The following MCMBP variants were observed in gnomAD, a reference collection of about 807,000 sequenced individuals.
The protein encoded by MCMBP is mini-chromosome maintenance complex-binding protein.
In MCMBP, 31 loss-of-function variants were observed where a neutral mutation model predicts 81.3. That is an observed-to-expected ratio of 0.38 (90% confidence interval 0.29 to 0.51). The LOEUF (loss-of-function observed/expected upper bound fraction) is 0.51. Ranked by LOEUF, MCMBP falls within the 20% of genes least tolerant of loss-of-function variation. The pLI is 0.87. For missense variants in MCMBP, 645 were observed against 772.1 expected (o/e 0.84, Z 1.95); for synonymous variants, 267 against 275.9 (o/e 0.97, Z 0.32).
Position 119,843,223 on chromosome 10 carries a change from T to C in MCMBP, c.1000+31A>G, listed in dbSNP as rs1165858118. The C allele has an allele frequency of 1.9e-6, 3 of 1,612,122 alleles. No homozygotes were observed. In the African/African-American group the frequency reaches 4.0e-5, roughly 22 times the overall value. On this transcript the variant is annotated intron_variant, in intron 9 of 15. Coordinates refer to ENST00000369077, the MANE Select transcript of MCMBP (RefSeq NM_001256378.2). ...TGGACACACTGAGGCTAACAGTCGA[T>C]AGTTGACTAGGCTGTAACACTTACA...
intron 8 of MCMBP, 40 bp from the exon 9 acceptor site, chr10:119,843,466 A>G: frequency 1.3e-6 from 2 of 1,579,016 alleles, no homozygotes; most frequent in Non-Finnish European, 1.7e-6. Flanking sequence ...GAGAGACATC[A>G]ATTGCACAGA....
intron 1 of MCMBP, among the ~76,000 whole-genome samples, chr10:119,871,670 TAA>T (rs151143376): frequency 4.7e-4 from 72 of 152,260 alleles, no homozygotes; most frequent in Non-Finnish European, 9.9e-4. Context: ...TCTACAACTC[TAA>T]GTTAACTCCA....
At chr10:119,839,682 C>G (rs1005358938) in intron 11 of MCMBP, among the ~76,000 whole-genome samples, 1 of 152,044 alleles carries the variant, frequency 6.6e-6, no homozygotes, top group Admixed American at 6.6e-5. Flanking sequence ...TTTCAATGTG[C>G]GAGACTAATG....
rs375109129 is a variant in MCMBP, at chr10:119,835,717, G to C, written c.1543-13C>G. The C allele has an allele frequency of 3.1e-6, 5 of 1,613,522 alleles. No individual in the cohort carries two copies. The South Asian group carries it at 4.4e-5, about 14-fold the overall frequency. ...TCTGGCAGTCTGCCTGAAAAGAGAA[G>C]GAGTACACTGTATTTTCTGAGTTCC... On this transcript the variant is annotated splice_polypyrimidine_tract_variant and intron_variant, in intron 13 of 15. Transcript: ENST00000369077.
rs764263028 is a variant in MCMBP, at chr10:119,831,540, C to T, written c.1857G>A (p.Lys619=). 6.2e-7 allele frequency: 1 copy of T among 1,614,074 alleles called. No homozygotes were observed. The change falls in exon 16 of 16, where the codon AAG becomes AAA. Residue 619 remains lysine, a synonymous_variant. Transcript: ENST00000369077. ...TLSRERWLRA[K]QLESLRRTRL... is the part of the protein sequence containing the mutation. ...TCGTTCTTCTTAAAGACTCTAGCTGCTTTGCTCTCAGCCATCGTTCTCTTG... is the reference window on the plus strand; with the variant it reads ...TCGTTCTTCTTAAAGACTCTAGCTGTTTTGCTCTCAGCCATCGTTCTCTTG...
chr10:119,849,441 G>A lies in MCMBP; in HGVS notation c.710C>T (p.Pro237Leu), dbSNP rs1397524460. Residue 237 changes from proline (P) to leucine (L), a missense_variant, in exon 7 of 16, where the codon CCT becomes CTT. Transcript: ENST00000369077. ...TTTTATTACCTTCACAAGGCATGCAGGGCCCTTCTCTCCTGGCAATGGAAA... is the reference window on the plus strand; with the variant it reads ...TTTTATTACCTTCACAAGGCATGCAAGGCCCTTCTCTCCTGGCAATGGAAA... The part of the protein sequence containing the change: ...LNFPLPGEKG[P>L]ACLVKVYEDW... The A allele has an allele frequency of 1.2e-6, 2 of 1,610,078 alleles. No individual in the cohort carries two copies. Among genetic ancestry groups the A allele is most frequent in the Non-Finnish European group, 1.7e-6 (2 of 1,178,772 alleles).
Position 119,843,436 on chromosome 10 carries a change from G to T in MCMBP, c.828-10C>A. 6.2e-7 allele frequency: 1 copy of T among 1,606,514 alleles called. No individual in the cohort carries two copies. Among genetic ancestry groups the T allele is most frequent in the South Asian group, 1.1e-5 (1 of 90,582 alleles). On this transcript the variant is annotated splice_polypyrimidine_tract_variant and intron_variant, in intron 8 of 15. Transcript: ENST00000369077. ...CAGTGCAGAGGCATCCCTGTGGAGA[G>T]GTGATAAAGTTTCAATTTAGAGAGA...
intron 1 of MCMBP, among the ~76,000 whole-genome samples, chr10:119,867,080 C>T (rs558949235): frequency 4.0e-5 from 6 of 151,748 alleles, no homozygotes; most frequent in Non-Finnish European, 8.8e-5. Flanking sequence ...ATCACGAGGG[C>T]AGAGGAGGTC....
rs34034506 is a variant in MCMBP, at chr10:119,859,275, TACACACACACACAC to T, written c.145-108_145-95del. ...AACTTTATATCCAGACTCAAACTGT[TACACACACACACAC>T]ACACACACACACACACCCATGCCAC... On this transcript the variant is annotated intron_variant, in intron 2 of 15. Coordinates refer to ENST00000369077, the MANE Select transcript of MCMBP (RefSeq NM_001256378.2). 2.2e-4 allele frequency: 137 copies of T among 615,920 alleles called. 1 individual carries two copies. Among genetic ancestry groups the T allele is most frequent in the East Asian group, 9.6e-4 (32 of 33,460 alleles). The allele number at this position is 615,920 out of a possible 1,614,324, so 38.2% of individuals were successfully genotyped here. A position where few individuals can be genotyped will look rare whatever the true frequency, so the allele number is the denominator to read the frequency against.
rs556867093 is a variant in MCMBP, at chr10:119,865,847, G to A, written c.59-5963C>T. ...TCCCAGCACTTTGGGAGGCCGAGGC[G>A]GGAGGGTCACTTGAGGCCAGGAGTT... On this transcript the variant is annotated intron_variant, in intron 1 of 15. Coordinates refer to ENST00000369077, the MANE Select transcript of MCMBP (RefSeq NM_001256378.2). Among the ~76,000 whole-genome samples the A allele has an allele frequency of 1.4e-3, 211 of 152,100 alleles. 1 individual carries two copies. The highest frequency in any genetic ancestry group is 5.0e-4 in the Non-Finnish European group (34 of 67,978).
intron 9 of MCMBP, 111 bp downstream of exon 9, chr10:119,843,143 G>A: frequency 8.5e-7 from 1 of 1,178,346 alleles, no homozygotes; most frequent in Non-Finnish European, 1.3e-6. Flanking sequence ...AACACTTATT[G>A]TGAGGAATGA....
intron 10 of MCMBP, 122 bp from the exon 11 acceptor site, chr10:119,841,082 A>G (rs1024380427): frequency 8.5e-5 from 58 of 682,150 alleles, no homozygotes; most frequent in African/African-American, 6.6e-4. Context: ...TATTCTGACC[A>G]GTTATTTTAT....
chr10:119,863,937 AAC>A (rs1853356454), intron 1 of MCMBP, among the ~76,000 whole-genome samples: 1 of 152,040 alleles, frequency 6.6e-6, no homozygotes, highest in South Asian at 2.1e-4. Context: ...TAATCCCCAG[AAC>A]TTGTAAAGAT....
intron 1 of MCMBP, among the ~76,000 whole-genome samples, chr10:119,870,710 CACAA>C (rs1380886031): frequency 6.6e-6 from 1 of 152,178 alleles, no homozygotes; most frequent in Non-Finnish European, 1.5e-5. Flanking sequence ...TAAGTTATCA[CACAA>C]ACATACTTGT....
In MCMBP at chr10:119,829,492, C is replaced by G. The variant is rs940145883; in HGVS notation, c.*1982G>C. The G allele has an allele frequency of 5.3e-5, 8 of 152,184 alleles. No homozygotes were observed. The highest frequency in any genetic ancestry group is 1.9e-4 in the African/African-American group (8 of 41,438). The allele number at this position is 152,184 out of a possible 1,614,324, so 9.4% of individuals were successfully genotyped here. On this transcript the variant is annotated 3_prime_UTR_variant, in exon 16 of 16. Transcript: ENST00000369077. ...CATTTTAAGAAGGCAAAGTTCCAAA[C>G]AGGGTTACACAGGAGTCTACTCAGT...
At chr10:119,858,831 G>T in intron 4 of MCMBP, 53 bp downstream of exon 4, 1 of 1,329,000 alleles carries the variant, frequency 7.5e-7, no homozygotes, top group Non-Finnish European at 1.1e-6. Context: ...CAAATTCTCT[G>T]TTTAGGAAAA....
intron 10 of MCMBP, 129 bp from the exon 11 acceptor site, chr10:119,841,089 T>C: frequency 1.5e-6 from 1 of 668,998 alleles, no homozygotes; most frequent in Non-Finnish European, 2.6e-6. Context: ...ACCAGTTATT[T>C]TATCAGAATA....
chr10:119,834,138 G>C (rs1371240575), intron 14 of MCMBP, among the ~76,000 whole-genome samples: 1 of 152,170 alleles, frequency 6.6e-6, no homozygotes, highest in Admixed American at 6.5e-5. Context: ...GGTAGTGTCA[G>C]AAGGAGAGCA....
intron 8 of MCMBP, among the ~76,000 whole-genome samples, chr10:119,846,024 A>AT (rs757692376): frequency 6.6e-6 from 1 of 152,224 alleles, no homozygotes; most frequent in Non-Finnish European, 1.5e-5. Context: ...GGGTGCGTAT[A>AT]TATGTATCCA....
Sources: gnomAD v4.1 joint callset for allele counts (sites outside exome capture counted in the v4.1 genomes callset) on GRCh38, gnomAD v4.1.1 for gene constraint, MANE v1.5 for transcripts, NCBI Gene and HGNC (gene_info 2026-07-23, HGNC 2026-07-21) for gene names.